SLC26A5: variants seen among roughly 807,000 people sequenced by gnomAD.
SLC26A5 encodes solute carrier family 26 member 5.
Under a neutral mutation model 81.0 loss-of-function variants are expected in SLC26A5, and 51 were observed. The observed-to-expected ratio is 0.63, with a 90% CI of 0.50 to 0.80. SLC26A5 has a LOEUF of 0.80. Ranked by LOEUF, SLC26A5 falls within the 30% of genes least tolerant of loss-of-function variation. The pLI is 0.00. For missense variants in SLC26A5, 771 were observed against 905.8 expected, an observed-to-expected ratio of 0.85 and a Z score of 1.91; for synonymous variants, 325 against 332.8, an observed-to-expected ratio of 0.98 and a Z score of 0.25.
At chr7:103,364,341 G>T (rs1164454865) in intron 19 of SLC26A5, 3 of 1,607,764 alleles carry the variant, frequency 1.9e-6, no homozygotes, top group Admixed American at 1.7e-5. Context: ...ATATAGCCTT[G>T]TGAAAGATTT....
intron 19 of SLC26A5, chr7:103,364,323 C>T: frequency 6.2e-7 from 1 of 1,613,080 alleles, no homozygotes; most frequent in South Asian, 1.1e-5. Flanking sequence ...GTAAATTTAT[C>T]AAAGAATATA....
intron 9 of SLC26A5, 115 bp from the exon 10 acceptor site, chr7:103,393,181 T>A: frequency 1.6e-6 from 2 of 1,265,016 alleles, no homozygotes; most frequent in Non-Finnish European, 2.2e-6. Context: ...AAGTAATCAA[T>A]GCTTGGATAC....
chr7:103,417,485 G>A (rs993148261), intron 4 of SLC26A5, among the ~76,000 whole-genome samples: 1 of 151,078 alleles, frequency 6.6e-6, no homozygotes, highest in South Asian at 2.1e-4. Flanking sequence ...TCCTCCTTCT[G>A]TATTTGGCCT....
chr7:103,370,629 T>A (rs758609934), downstream of SLC26A5, among the ~76,000 whole-genome samples: 6 of 152,168 alleles, frequency 3.9e-5, no homozygotes, highest in Non-Finnish European at 7.4e-5. Context: ...TTGAAGAGGA[T>A]CCATACCCTT....
rs113981729 is a variant in SLC26A5 at position 103,433,843 on chromosome 7, C to T, written c.-54+9240G>A. On this transcript the variant is annotated intron_variant, in intron 2 of 19. Transcript: ENST00000306312. ...TCAGTCTCCTGAGTAGCTGGGACTACAGGTGCCCGCCACCACACCCGGCTA... is the reference window on the plus strand; with the variant it reads ...TCAGTCTCCTGAGTAGCTGGGACTATAGGTGCCCGCCACCACACCCGGCTA... 8.0e-4 allele frequency among the ~76,000 whole-genome samples: 122 copies of T among 151,866 alleles called. 2 individuals carry two copies. Among genetic ancestry groups the T allele is most frequent in the African/African-American group, 2.9e-3 (120 of 41,390 alleles).
intron 14 of SLC26A5, chr7:103,388,494 C>T (rs1822387027): frequency 4.6e-6 from 1 of 217,034 alleles, no homozygotes; most frequent in African/African-American, 2.3e-5. Flanking sequence ...AGCCACTGCA[C>T]CCAACCATAT....
chr7:103,380,504 A>G lies in SLC26A5; in HGVS notation c.1560T>C (p.Tyr520=). 1 of 1,613,788 alleles carries G rather than the reference A, an allele frequency of 6.2e-7. No individual in the cohort carries two copies. The highest frequency in any genetic ancestry group is 8.5e-7 in the Non-Finnish European group (1 of 1,179,768). ...VLGKLPETDV[Y]IDIDAYEEVK... is the part of the protein sequence containing the mutation. ...CCTCCTCATATGCGTCTATATCAAT[A>G]TACACATCAGTTTCAGGAAGCTTTC... The change falls in exon 15 of 20, where the codon TAT becomes TAC. Residue 520 remains tyrosine (Y), a synonymous_variant. Transcript: ENST00000306312.
At chr7:103,376,669 C>G (rs1007961577) in intron 19 of SLC26A5, 139 bp downstream of exon 19, 37 of 678,750 alleles carry the variant, frequency 5.5e-5, no homozygotes, top group African/African-American at 5.4e-4. Context: ...TCAAAGCTGG[C>G]TTTAGAGTGA....
At chr7:103,439,780 C>G (rs181034260) in intron 2 of SLC26A5, among the ~76,000 whole-genome samples, 2 of 152,150 alleles carry the variant, frequency 1.3e-5, no homozygotes, top group Non-Finnish European at 2.9e-5. Context: ...GCGATCTGCC[C>G]GCTTTGGCCT....
chr7:103,368,190 A>G, intron 19 of SLC26A5: 1 of 804,764 alleles, frequency 1.2e-6, no homozygotes, highest in Non-Finnish European at 1.9e-6. Context: ...TAATATAATA[A>G]AAGGTGATTT....
chr7:103,359,772 C>A (rs140891161), intron 19 of SLC26A5, among the ~76,000 whole-genome samples: 2 of 152,102 alleles, frequency 1.3e-5, no homozygotes, highest in Admixed American at 1.3e-4. Context: ...GAAAATATTT[C>A]TTGTACTGAT....
At chr7:103,362,358 A>G (rs1586165053) in intron 19 of SLC26A5, 9 of 1,350,256 alleles carry the variant, frequency 6.7e-6, no homozygotes, top group East Asian at 6.2e-5. Flanking sequence ...GTAACATGGT[A>G]TAGGTTGGGG....
intron 14 of SLC26A5, among the ~76,000 whole-genome samples, chr7:103,386,918 C>T (rs1822241199): frequency 6.6e-6 from 1 of 152,090 alleles, no homozygotes; most frequent in African/African-American, 2.4e-5. Context: ...CTCGCCACCA[C>T]ACCTGGCTCG....
At chr7:103,420,528 C>T (rs1390317745) in intron 4 of SLC26A5, among the ~76,000 whole-genome samples, 1 of 151,922 alleles carries the variant, frequency 6.6e-6, no homozygotes, top group Non-Finnish European at 1.5e-5. Context: ...CTCCAACTCC[C>T]AGTCTCAAGT....
chr7:103,406,543 G>A (rs571832005), intron 8 of SLC26A5, among the ~76,000 whole-genome samples: 3 of 152,192 alleles, frequency 2.0e-5, no homozygotes, highest in Admixed American at 1.3e-4. Context: ...GAGGTGAGCC[G>A]GATTCCTCAG....
intron 4 of SLC26A5, among the ~76,000 whole-genome samples, chr7:103,414,809 T>C (rs980331450): frequency 6.6e-6 from 1 of 152,178 alleles, no homozygotes. Context: ...GGCAGCAGTC[T>C]TCACAAACTC....
At chr7:103,422,802 G>C (rs1825449206) in intron 2 of SLC26A5, among the ~76,000 whole-genome samples, 1 of 152,164 alleles carries the variant, frequency 6.6e-6, no homozygotes, top group African/African-American at 2.4e-5. Context: ...ACTAAAGCCA[G>C]TATTCCCAAA....
At position 103,365,783 on chromosome 7, in the gene SLC26A5, C is replaced by T. The variant is rs138492168; in HGVS notation, c.2041+11025G>A. 6.2e-3 allele frequency among the ~76,000 whole-genome samples: 939 copies of T among 152,074 alleles called. 10 individuals carry two copies. Among genetic ancestry groups the T allele is most frequent in the African/African-American group, 0.021 (885 of 41,500 alleles). On this transcript the variant is annotated intron_variant, in intron 19 of 19. Coordinates refer to the SLC26A5 transcript ENST00000339444. ...TCTCTACTAAAAATACAAAAATTAG[C>T]GGGGTGTGGTGACACATGCCTGTAA...
At chr7:103,441,803 G>C (rs1371259548) in intron 2 of SLC26A5, among the ~76,000 whole-genome samples, 1 of 152,224 alleles carries the variant, frequency 6.6e-6, no homozygotes, top group Non-Finnish European at 1.5e-5. Context: ...TGCAAAGTCA[G>C]CAAAGCATTG....
Sources: allele counts gnomAD v4.1 joint callset (sites outside exome capture counted in the v4.1 genomes callset), GRCh38; gene constraint gnomAD v4.1.1; transcripts MANE v1.5; gene names NCBI Gene and HGNC (gene_info 2026-07-23, HGNC 2026-07-21).